PCDHA3: variants seen among roughly 807,000 people sequenced by gnomAD.
The protein encoded by PCDHA3 is protocadherin alpha-3.
PCDHA3 carries 41 observed loss-of-function variants against 62.2 expected under a neutral mutation model. The observed-to-expected ratio is 0.66, with a 90% CI of 0.51 to 0.86. The LOEUF is 0.86. PCDHA3 is among the 40% of genes least tolerant of loss of function. The pLI is 0.00. For synonymous variants in PCDHA3, 640 were observed against 555.4 expected (o/e 1.15, Z -2.14); for missense variants, 1,304 against 1,241.2 (o/e 1.05, Z -0.76).
intron 1 of PCDHA3, among the ~76,000 whole-genome samples, chr5:140,960,274 C>A (rs1291069063): frequency 6.6e-6 from 1 of 152,130 alleles, no homozygotes. Context: ...ATTCCGTCAC[C>A]TTTTTGGGAC....
chr5:140,909,134 C>A (rs1337385284), intron 1 of PCDHA3, among the ~76,000 whole-genome samples: 3 of 152,140 alleles, frequency 2.0e-5, no homozygotes, highest in Non-Finnish European at 4.4e-5. Flanking sequence ...AGGTAATGAA[C>A]CAGTGTGATA....
chr5:140,941,255 C>CTT (rs782490896), intron 1 of PCDHA3, among the ~76,000 whole-genome samples: 1,945 of 44,372 alleles, frequency 0.044, 20 homozygotes, highest in African/African-American at 0.075. Flanking sequence ...TTCTTTCTTT[C>CTT]TCTTTCTTTC....
At chr5:140,877,738 C>G (rs539793128) in intron 1 of PCDHA3, 1 of 1,614,164 alleles carries the variant, frequency 6.2e-7, no homozygotes, top group African/African-American at 1.3e-5. Flanking sequence ...GCAGAGGAGG[C>G]AGAGGGTGTG....
intron 1 of PCDHA3, chr5:140,830,232 C>T (rs782042680): frequency 1.9e-6 from 3 of 1,613,928 alleles, no homozygotes; most frequent in East Asian, 2.2e-5. Context: ...CTGGTCCTCA[C>T]GCTACTGCTG....
Position 140,833,090 on chromosome 5 carries a change from A to G in PCDHA3, c.2394+29499A>G, listed in dbSNP as rs1008615900. 1.8e-4 allele frequency among the ~76,000 whole-genome samples: 27 copies of G among 152,328 alleles called. No homozygotes were observed. In the East Asian group the frequency reaches 5.2e-3, roughly 29 times the overall value. On this transcript the variant is annotated intron_variant, in intron 1 of 3. Coordinates refer to ENST00000522353, the MANE Select transcript of PCDHA3 (RefSeq NM_018906.3). ...CCTTTTGTATAACTTTGAGTACTAG[A>G]CGAGTAATTTTGACACTCTTCAAAG...
At chr5:140,876,117 C>T in intron 1 of PCDHA3, 1 of 1,613,922 alleles carries the variant, frequency 6.2e-7, no homozygotes, top group Non-Finnish European at 8.5e-7. Flanking sequence ...TGATGGTAAT[C>T]GATGGCGGTA....
Position 140,982,513 on chromosome 5 carries a change from G to A in PCDHA3, c.2492G>A (p.Gly831Asp). Residue 831 changes from glycine (G) to aspartate (D), a missense_variant, in exon 3 of 4, where the codon GGT (glycine) becomes GAT (aspartate). Transcript: ENST00000522353. ...HLEEAGILRA[G>D]PGGPDQQWPT... is the part of the protein sequence containing the mutation. ...GAGGAGGCTGGCATTCTACGGGCTGGTCCAGGAGGGCCTGATCAGCAGTGG... is the reference window on the plus strand; with the variant it reads ...GAGGAGGCTGGCATTCTACGGGCTGATCCAGGAGGGCCTGATCAGCAGTGG... The A allele has an allele frequency of 6.2e-7, 1 of 1,614,194 alleles. No individual in the cohort carries two copies. Among genetic ancestry groups the A allele is most frequent in the Non-Finnish European group, 8.5e-7 (1 of 1,180,032 alleles).
chr5:140,943,465 G>C (rs1332571516), intron 1 of PCDHA3, among the ~76,000 whole-genome samples: 3 of 152,022 alleles, frequency 2.0e-5, no homozygotes, highest in African/African-American at 7.2e-5. Context: ...CTAAATGTGG[G>C]AGATACAGTA....
chr5:140,816,242 T>C (rs1481893291), intron 1 of PCDHA3: 2 of 152,240 alleles, frequency 1.3e-5, no homozygotes, highest in South Asian at 2.1e-4. Flanking sequence ...TCAAATGATG[T>C]GTCCTTGAGT....
At chr5:140,807,570 A>G (rs1562210104) in intron 1 of PCDHA3, 2 of 1,614,162 alleles carry the variant, frequency 1.2e-6, no homozygotes, top group East Asian at 2.2e-5. Flanking sequence ...GACATTAACG[A>G]TAACCCGCCG....
intron 1 of PCDHA3, chr5:140,808,452 A>AGC (rs1272245501): frequency 6.2e-7 from 1 of 1,614,076 alleles, no homozygotes; most frequent in Non-Finnish European, 8.5e-7. Flanking sequence ...TCAGCCTATG[A>AGC]GCTGGTGGTG....
chr5:140,858,401 G>T (rs2045390262), intron 1 of PCDHA3: 2 of 1,572,406 alleles, frequency 1.3e-6, no homozygotes, highest in Admixed American at 1.8e-5. Flanking sequence ...TGTGGACGGG[G>T]AAGATCAGTC....
At chr5:140,951,746 C>A (rs2094627797) in intron 1 of PCDHA3, among the ~76,000 whole-genome samples, 1 of 152,128 alleles carries the variant, frequency 6.6e-6, no homozygotes, top group African/African-American at 2.4e-5. Flanking sequence ...ACTGCCCTCA[C>A]CCTCCGCGAA....
chr5:140,965,035 C>T (rs978573637), intron 1 of PCDHA3, among the ~76,000 whole-genome samples: 6 of 152,108 alleles, frequency 3.9e-5, no homozygotes, highest in Non-Finnish European at 5.9e-5. Context: ...TTTAACTGTC[C>T]GCTCTAGGAG....
Position 140,843,107 on chromosome 5 carries a change from G to T in PCDHA3, c.2394+39516G>T, listed in dbSNP as rs1554139748. The T allele has an allele frequency of 5.6e-6, 9 of 1,595,816 alleles. 1 individual carries two copies. Among genetic ancestry groups the T allele is most frequent in the Non-Finnish European group, 6.9e-6 (8 of 1,165,524 alleles). ...GGGCCACGTGGTAGCGAAGGTGCGCGCAGTGGACGCCGACTCGGGCTACAA... is the reference window on the plus strand; with the variant it reads ...GGGCCACGTGGTAGCGAAGGTGCGCTCAGTGGACGCCGACTCGGGCTACAA... On this transcript the variant is annotated intron_variant, in intron 1 of 3. Coordinates refer to ENST00000522353, the MANE Select transcript of PCDHA3 (RefSeq NM_018906.3).
rs185567567 is a variant in PCDHA3, at chr5:140,888,396, T to C, written c.2394+84805T>C. 3.4e-3 allele frequency among the ~76,000 whole-genome samples: 514 copies of C among 152,282 alleles called. 3 individuals are homozygous for C. The highest frequency in any genetic ancestry group is 0.014 in the Middle Eastern group (4 of 294). On this transcript the variant is annotated intron_variant, in intron 1 of 3. Coordinates refer to ENST00000522353, the MANE Select transcript of PCDHA3 (RefSeq NM_018906.3). The stretch of plus-strand genomic sequence containing the variant: ...AGCTCTGAGATGCTGCTAAACACCA[T>C]CCAATTGCTGCCAAACATCCTACCG...
At chr5:140,822,284 G>A (rs2150115215) in intron 1 of PCDHA3, 1 of 1,614,234 alleles carries the variant, frequency 6.2e-7, no homozygotes, top group South Asian at 1.1e-5. Context: ...TTGAGATACA[G>A]GTTAAATCCA....
chr5:140,855,191 C>T (rs1029956602), intron 1 of PCDHA3, among the ~76,000 whole-genome samples: 1 of 149,742 alleles, frequency 6.7e-6, no homozygotes, highest in East Asian at 1.9e-4. Flanking sequence ...CAAATTGAGG[C>T]CTGAGAATAG....
chr5:140,818,355 G>A (rs1231484371), intron 1 of PCDHA3, among the ~76,000 whole-genome samples: 1 of 152,112 alleles, frequency 6.6e-6, no homozygotes, highest in South Asian at 2.1e-4. Context: ...CAAAGTCATT[G>A]ATTGAATTCT....
Sources: gnomAD v4.1 joint callset for allele counts (sites outside exome capture counted in the v4.1 genomes callset) on GRCh38, gnomAD v4.1.1 for gene constraint, MANE v1.5 for transcripts, NCBI Gene and HGNC (gene_info 2026-07-23, HGNC 2026-07-21) for gene names.